Variants in ZDHHC3 observed in about 807,000 individuals in gnomAD.
ZDHHC3 encodes the protein palmitoyltransferase ZDHHC3.
In ZDHHC3, 9 loss-of-function variants were observed where a neutral mutation model predicts 30.6. The ratio of observed to expected loss-of-function variants is 0.29; its 90% CI spans 0.18 to 0.51. ZDHHC3 has a LOEUF of 0.51. Ranked by LOEUF, ZDHHC3 falls within the 20% of genes least tolerant of loss-of-function variation. The pLI is 0.97. For synonymous variants in ZDHHC3, 136 were observed against 140.2 expected, an observed-to-expected ratio of 0.97 and a Z score of 0.21; for missense variants, 246 against 384.2, an observed-to-expected ratio of 0.64 and a Z score of 3.01.
chr3:44,938,685 T>G (rs1702187079), intron 3 of ZDHHC3, among the ~76,000 whole-genome samples: 2 of 152,324 alleles, frequency 1.3e-5, no homozygotes, highest in African/African-American at 4.8e-5. Flanking sequence ...GGGGCCTTGC[T>G]GGATCACACT....
intron 2 of ZDHHC3, among the ~76,000 whole-genome samples, chr3:44,954,777 G>GT (rs1703781895): frequency 6.6e-6 from 1 of 152,066 alleles, no homozygotes; most frequent in African/African-American, 2.4e-5. Context: ...CATCTGTCAC[G>GT]TTTAAGCATC....
At chr3:44,956,972 C>A (rs548135284) in intron 2 of ZDHHC3, among the ~76,000 whole-genome samples, 1 of 152,306 alleles carries the variant, frequency 6.6e-6, no homozygotes, top group South Asian at 2.1e-4. Flanking sequence ...GTTTTGATCA[C>A]CCTGGTCCTA....
chr3:44,969,931 C>G (rs974092654), intron 1 of ZDHHC3: 2 of 152,234 alleles, frequency 1.3e-5, no homozygotes, highest in Admixed American at 6.5e-5. Flanking sequence ...AGGCAGAGAC[C>G]TATCAGCAAA....
chr3:44,920,757 A>G lies in ZDHHC3; in HGVS notation c.*5932T>C, dbSNP rs985183525. The G allele has an allele frequency of 3.0e-6, 3 of 985,384 alleles. No individual in the cohort carries two copies. The highest frequency in any genetic ancestry group is 3.6e-6 in the Non-Finnish European group (3 of 829,924). 61.0% of individuals were successfully genotyped at this position (985,384 alleles called of 1,614,324 possible). ...CCATTCATGTGGCATGCTCCCAGAT[A>G]GGCACTCTTGGATTATACTCAACCT... On this transcript the variant is annotated 3_prime_UTR_variant, in exon 7 of 7. Coordinates refer to ENST00000424952, the MANE Select transcript of ZDHHC3 (RefSeq NM_001135179.2).
chr3:44,930,650 G>A (rs1470283305), intron 5 of ZDHHC3, among the ~76,000 whole-genome samples: 6 of 152,246 alleles, frequency 3.9e-5, no homozygotes, highest in Non-Finnish European at 8.8e-5. Context: ...ATGTGGGAAT[G>A]AGCTTGGAAA....
Position 44,930,291 on chromosome 3 carries a change from T to C in ZDHHC3, c.611-855A>G, listed in dbSNP as rs1217376194. On this transcript the variant is annotated intron_variant, in intron 5 of 6. Coordinates refer to ENST00000424952, the MANE Select transcript of ZDHHC3 (RefSeq NM_001135179.2). ...AGCGCATGGAAGAGAAAGGCAAAGG[T>C]GCTGTGGAGATGGTGGGGGTGAGCA... Among the ~76,000 whole-genome samples the C allele has an allele frequency of 2.6e-5, 4 of 152,124 alleles. No individual in the cohort carries two copies. The East Asian group carries it at 7.7e-4, about 29-fold the overall frequency.
chr3:44,956,129 C>T (rs979299564), intron 2 of ZDHHC3, among the ~76,000 whole-genome samples: 7 of 152,294 alleles, frequency 4.6e-5, no homozygotes, highest in East Asian at 3.9e-4. Context: ...AGAGGCTGTA[C>T]GCTTCAATGC....
intron 2 of ZDHHC3, among the ~76,000 whole-genome samples, chr3:44,946,058 C>T (rs1702904843): frequency 6.6e-6 from 1 of 152,232 alleles, no homozygotes; most frequent in African/African-American, 2.4e-5. Context: ...AGCAACATGT[C>T]TAACAGTTTC....
chr3:44,921,378 A>G lies in ZDHHC3; in HGVS notation c.*5311T>C, dbSNP rs1023638630. 1.7e-4 allele frequency: 167 copies of G among 985,312 alleles called. No individual in the cohort carries two copies. Among genetic ancestry groups the G allele is most frequent in the Admixed American group, 3.7e-4 (6 of 16,270 alleles). 61.0% of individuals were successfully genotyped at this position (985,312 alleles called of 1,614,324 possible). A position where few individuals can be genotyped will look rare whatever the true frequency, so the allele number is the denominator to read the frequency against. ...GTCTCTTCATAGCGGGCCAGATAAC[A>G]CTGTCTCTCCTCATCAGAGATTTCA... On this transcript the variant is annotated 3_prime_UTR_variant, in exon 7 of 7. Transcript: ENST00000424952.
Position 44,924,933 on chromosome 3 carries a change from G to GT in ZDHHC3, c.*1755_*1756insA. On this transcript the variant is annotated 3_prime_UTR_variant, in exon 7 of 7. Coordinates refer to ENST00000424952, the MANE Select transcript of ZDHHC3 (RefSeq NM_001135179.2). ...AACTGACTCAGGAAAGCTCTTAGGA[G>GT]AGCCCATCAGCACAAAGGAATTGAT... 6 of 985,540 alleles carry GT rather than the reference G, an allele frequency of 6.1e-6. No individual in the cohort carries two copies. The highest frequency in any genetic ancestry group is 7.2e-6 in the Non-Finnish European group (6 of 829,948). The allele number at this position is 985,540 out of a possible 1,614,324, so 61.0% of individuals were successfully genotyped here.
At chr3:44,964,315 A>G (rs949773944) in intron 1 of ZDHHC3, among the ~76,000 whole-genome samples, 3 of 152,256 alleles carry the variant, frequency 2.0e-5, no homozygotes, top group Non-Finnish European at 4.4e-5. Flanking sequence ...GGCTCTGAGC[A>G]GCACCTGGAG....
chr3:44,928,102 T>A (rs1350383527), intron 6 of ZDHHC3, among the ~76,000 whole-genome samples: 2 of 152,186 alleles, frequency 1.3e-5, no homozygotes, highest in African/African-American at 4.8e-5. Context: ...CCCCATCGGG[T>A]TCCCCGTATA....
chr3:44,928,633 C>A (rs768996728), intron 6 of ZDHHC3, among the ~76,000 whole-genome samples: 2 of 152,132 alleles, frequency 1.3e-5, no homozygotes, highest in Admixed American at 6.5e-5. Flanking sequence ...TTTCAGACAC[C>A]TTAGGAAGGT....
At chr3:44,927,202 G>A (rs1701068253) in intron 6 of ZDHHC3, among the ~76,000 whole-genome samples, 1 of 152,194 alleles carries the variant, frequency 6.6e-6, no homozygotes, top group African/African-American at 2.4e-5. Context: ...GAAACTCTGT[G>A]CTGGGCTGTG....
chr3:44,958,645 A>G (rs995395703), intron 2 of ZDHHC3: 1 of 1,535,910 alleles, frequency 6.5e-7, no homozygotes, highest in African/African-American at 1.4e-5. Flanking sequence ...GAAAAGATGC[A>G]CCTCGCCCAA....
intron 2 of ZDHHC3, among the ~76,000 whole-genome samples, chr3:44,952,509 C>T (rs966421283): frequency 1.3e-5 from 2 of 152,200 alleles, no homozygotes; most frequent in Non-Finnish European, 2.9e-5. Context: ...CTAAAACCTT[C>T]ACTGGCTCCC....
In ZDHHC3 at chr3:44,924,466, A is replaced by G; in HGVS notation, c.*2223T>C. 1 of 985,470 alleles carries G rather than the reference A, an allele frequency of 1.0e-6. No homozygotes were observed. Among genetic ancestry groups the G allele is most frequent in the Non-Finnish European group, 1.2e-6 (1 of 829,932 alleles). The allele number at this position is 985,470 out of a possible 1,614,324, so 61.0% of individuals were successfully genotyped here. A position where few individuals can be genotyped will look rare whatever the true frequency, so the allele number is the denominator to read the frequency against. On this transcript the variant is annotated 3_prime_UTR_variant, in exon 7 of 7. Coordinates refer to ENST00000424952, the MANE Select transcript of ZDHHC3 (RefSeq NM_001135179.2). ...CTAGCCAAGGCCTATACAAAACCAG[A>G]GGCAGAATCCTATAGGATATCTGAA...
intron 3 of ZDHHC3, among the ~76,000 whole-genome samples, chr3:44,942,043 A>G (rs1702485036): frequency 6.6e-6 from 1 of 152,268 alleles, no homozygotes; most frequent in African/African-American, 2.4e-5. Flanking sequence ...GGAAAGACCC[A>G]ACCACACACC....
chr3:44,921,172 T>G lies in ZDHHC3; in HGVS notation c.*5517A>C, dbSNP rs1700563613. 1.0e-6 allele frequency: 1 copy of G among 985,258 alleles called. No homozygotes were observed. The highest frequency in any genetic ancestry group is 1.2e-6 in the Non-Finnish European group (1 of 829,932). 61.0% of individuals were successfully genotyped at this position (985,258 alleles called of 1,614,324 possible). The stretch of plus-strand genomic sequence containing the variant: ...AGTCTGGGTGACACATGAGCTGTGA[T>G]CTGTGAACAAACTCACCAACACTCC... On this transcript the variant is annotated 3_prime_UTR_variant, in exon 7 of 7. Transcript: ENST00000424952.
Sources: allele counts gnomAD v4.1 joint callset (sites outside exome capture counted in the v4.1 genomes callset), GRCh38; gene constraint gnomAD v4.1.1; transcripts MANE v1.5; gene names NCBI Gene and HGNC (gene_info 2026-07-23, HGNC 2026-07-21).